DBNL: variants seen among roughly 807,000 people sequenced by gnomAD.
DBNL encodes the protein drebrin-like protein.
A neutral mutation model predicts 62.2 loss-of-function variants in DBNL; 35 were observed. The ratio of observed to expected loss-of-function variants is 0.56; its 90% CI spans 0.43 to 0.75. The LOEUF is 0.75. DBNL is among the 30% of genes least tolerant of loss of function. The pLI is 0.00. For synonymous variants in DBNL, 197 were observed against 218.0 expected (o/e 0.90, Z 0.85); for missense variants, 495 against 578.4 (o/e 0.86, Z 1.48).
intron 4 of DBNL, among the ~76,000 whole-genome samples, chr7:44,056,505 C>G (rs2096136603): frequency 6.6e-6 from 1 of 152,222 alleles, no homozygotes; most frequent in Non-Finnish European, 1.5e-5. Context: ...GAAGGAACCA[C>G]TGGATAGCAC....
Position 44,050,349 on chromosome 7 carries a change from C to G in DBNL, c.139+69C>G, listed in dbSNP as rs567088465. ...AGGGTGACGACGAGGGGTCAGCGCACTCAGCTGTCTTGGTCCACTGAGCCA... is the reference window on the plus strand; with the variant it reads ...AGGGTGACGACGAGGGGTCAGCGCAGTCAGCTGTCTTGGTCCACTGAGCCA... On this transcript the variant is annotated intron_variant, in intron 2 of 12. Coordinates refer to ENST00000448521, the MANE Select transcript of DBNL (RefSeq NM_001014436.3). The G allele has an allele frequency of 3.2e-6, 5 of 1,560,446 alleles. No individual in the cohort carries two copies. The African/African-American group carries it at 4.1e-5, about 13-fold the overall frequency.
chr7:44,052,016 C>T, intron 3 of DBNL, 74 bp downstream of exon 3: 1 of 1,385,570 alleles, frequency 7.2e-7, no homozygotes, highest in Non-Finnish European at 1.0e-6. Context: ...GACTTGACTT[C>T]AGGAACAAAG....
Position 44,060,843 on chromosome 7 carries a change from G to C in DBNL, c.1220G>C (p.Gly407Ala). The C allele has an allele frequency of 1.9e-6, 3 of 1,614,122 alleles. No individual in the cohort carries two copies. The highest frequency in any genetic ancestry group is 2.5e-6 in the Non-Finnish European group (3 of 1,180,004). Residue 407 changes from glycine to alanine, a missense_variant, in exon 13 of 13, where the codon GGC becomes GCC. Coordinates refer to ENST00000448521, the MANE Select transcript of DBNL (RefSeq NM_001014436.3). This position sits in a 1 kb window ranked among gnomAD's most constrained non-coding sequence, Gnocchi z 6.3. ...LITGIEVIDE[G>A]WWRGYGPDGH... ...ACGGGCATCGAGGTGATCGACGAAG[G>C]CTGGTGGCGTGGCTATGGGCCGGAT...
chr7:44,062,079 C>T lies in DBNL; in HGVS notation c.*1163C>T, dbSNP rs2096150344. On this transcript the variant is annotated 3_prime_UTR_variant, in exon 13 of 13. Transcript: ENST00000448521. The stretch of plus-strand genomic sequence containing the variant: ...AGGTCCCTCCTGTGCCCCAGAGCTG[C>T]TAGGCAGACTGCTAGGCGGTTGACT... The T allele has an allele frequency of 6.4e-6, 1 of 156,034 alleles. No homozygotes were observed. The highest frequency in any genetic ancestry group is 1.4e-5 in the Non-Finnish European group (1 of 70,254). 9.7% of individuals were successfully genotyped at this position (156,034 alleles called of 1,614,324 possible). A position where few individuals can be genotyped will look rare whatever the true frequency, so the allele number is the denominator to read the frequency against.
chr7:44,062,911 G>A lies in DBNL; in HGVS notation c.*1995G>A. 1 of 1,614,194 alleles carries A rather than the reference G, an allele frequency of 6.2e-7. No individual in the cohort carries two copies. The highest frequency in any genetic ancestry group is 1.3e-5 in the African/African-American group (1 of 75,050). On this transcript the variant is annotated 3_prime_UTR_variant, in exon 13 of 13. Coordinates refer to ENST00000448521, the MANE Select transcript of DBNL (RefSeq NM_001014436.3). ...TCCCCGTGGGCAGGTTCAGCTCCAT[G>A]ATCGCCTGGTCTGACATCCCTATGC...
rs2096145809 is a variant in DBNL, at chr7:44,060,135, C to T, written c.1135C>T (p.Leu379=). The change falls in exon 12 of 13, where the codon CTG becomes TTG. Residue 379 remains leucine (L), a synonymous_variant. Coordinates refer to ENST00000448521, the MANE Select transcript of DBNL (RefSeq NM_001014436.3). This position sits in a 1 kb window ranked among gnomAD's most constrained non-coding sequence, Gnocchi z 6.3. The part of the protein sequence containing the change: ...LSGQGLCARA[L]YDYQAADDTE... Reference sequence around the variant, plus strand: ...TGGGCAAGGGCTCTGTGCCCGTGCCCTGTACGACTACCAGGCAGGTAAGGT... The same window carrying T: ...TGGGCAAGGGCTCTGTGCCCGTGCCTTGTACGACTACCAGGCAGGTAAGGT... The T allele has an allele frequency of 6.2e-7, 1 of 1,612,026 alleles. No homozygotes were observed. The highest frequency in any genetic ancestry group is 8.5e-7 in the Non-Finnish European group (1 of 1,178,678).
Position 44,064,842 on chromosome 7 carries a change from C to G in DBNL, c.*3926C>G. 1.5e-6 allele frequency: 2 copies of G among 1,298,580 alleles called. No individual in the cohort carries two copies. The highest frequency in any genetic ancestry group is 2.1e-6 in the Non-Finnish European group (2 of 967,220). The allele number at this position is 1,298,580 out of a possible 1,614,324, so 80.4% of individuals were successfully genotyped here. On this transcript the variant is annotated 3_prime_UTR_variant, in exon 13 of 13. Transcript: ENST00000448521. ...TGAAGGTGGCCTCACCTTCCAGGTG[C>G]TTGACAATGCCCCGCAGGCTGTTCC... is the stretch of plus-strand genomic sequence containing the variant.
chr7:44,053,603 A>G (rs2096130317), intron 4 of DBNL, among the ~76,000 whole-genome samples: 1 of 152,018 alleles, frequency 6.6e-6, no homozygotes, highest in Admixed American at 6.6e-5. Context: ...AGGACCAGAA[A>G]TGTTTTGGAT....
chr7:44,060,632 T>C lies in DBNL; in HGVS notation c.1154-145T>C. 8.1e-7 allele frequency: 1 copy of C among 1,241,304 alleles called. No individual in the cohort carries two copies. Among genetic ancestry groups the C allele is most frequent in the Non-Finnish European group, 1.1e-6 (1 of 905,254 alleles). 76.9% of individuals were successfully genotyped at this position (1,241,304 alleles called of 1,614,324 possible). A position where few individuals can be genotyped will look rare whatever the true frequency, so the allele number is the denominator to read the frequency against. ...ACAGGGTGCAGTGTTGGCCAAGGCT[T>C]AGCAGGGTGGCAGGGATATTTCTGA... On this transcript the variant is annotated intron_variant, in intron 12 of 12. Transcript: ENST00000448521. This position sits in a 1 kb window ranked among gnomAD's most constrained non-coding sequence, Gnocchi z 6.3.
rs1016694045 is a variant in DBNL, at chr7:44,061,198, T to C, written c.*282T>C. 1.4e-5 allele frequency: 6 copies of C among 438,036 alleles called. No individual in the cohort carries two copies. The highest frequency in any genetic ancestry group is 2.5e-5 in the Non-Finnish European group (6 of 242,796). The allele number at this position is 438,036 out of a possible 1,614,324, so 27.1% of individuals were successfully genotyped here. A position where few individuals can be genotyped will look rare whatever the true frequency, so the allele number is the denominator to read the frequency against. On this transcript the variant is annotated 3_prime_UTR_variant, in exon 13 of 13. Transcript: ENST00000448521. ...CCAAGCCCTGCCTGTGGCCAAGCCC[T>C]GAGTGGCCACTGCCAAGCTGCGGGG...
At chr7:44,047,351 G>A (rs1279904488) in intron 1 of DBNL, among the ~76,000 whole-genome samples, 1 of 152,150 alleles carries the variant, frequency 6.6e-6, no homozygotes, top group African/African-American at 2.4e-5. Context: ...TCTCTAGTTT[G>A]GTGGGTCATA....
At position 44,057,869 on chromosome 7, in the gene DBNL, GC is replaced by G. The variant is rs2096139341; in HGVS notation, c.552+14del. The stretch of plus-strand genomic sequence containing the variant: ...CTGGGCCAAAGCAGAGGTGAGTGCT[GC>G]CCCGGGGCATGCTGGGCACGTGGGA... On this transcript the variant is annotated intron_variant, in intron 6 of 12. Transcript: ENST00000448521. The G allele has an allele frequency of 1.2e-6, 2 of 1,614,150 alleles. No homozygotes were observed. Among genetic ancestry groups the G allele is most frequent in the African/African-American group, 1.3e-5 (1 of 75,066 alleles).
At chr7:44,050,062 C>A in intron 1 of DBNL, 163 bp from the exon 2 acceptor site, 1 of 662,168 alleles carries the variant, frequency 1.5e-6, no homozygotes, top group Non-Finnish European at 2.7e-6. Flanking sequence ...CTACTGAGAA[C>A]CTGCCTAGTG....
In DBNL at chr7:44,060,473, C is replaced by T. The variant is rs540420673; in HGVS notation, c.1154-304C>T. Reference sequence around the variant, plus strand: ...CAGGCCTGGATGCTGGTTCACCAGGCGTCCCTGGGTGGAGGCCTTGGAGAA... The same window carrying T: ...CAGGCCTGGATGCTGGTTCACCAGGTGTCCCTGGGTGGAGGCCTTGGAGAA... On this transcript the variant is annotated intron_variant, in intron 12 of 12. Coordinates refer to ENST00000448521, the MANE Select transcript of DBNL (RefSeq NM_001014436.3). The surrounding 1 kb of genome is among the most constrained non-coding windows in gnomAD (Gnocchi z 6.3). 6.6e-5 allele frequency among the ~76,000 whole-genome samples: 10 copies of T among 152,234 alleles called. No individual in the cohort carries two copies. The highest frequency in any genetic ancestry group is 3.4e-3 in the Middle Eastern group (1 of 294).
At chr7:44,052,302 T>C (rs1323098583) in intron 3 of DBNL, among the ~76,000 whole-genome samples, 1 of 151,856 alleles carries the variant, frequency 6.6e-6, no homozygotes, top group East Asian at 1.9e-4. Context: ...CTTGATCCCT[T>C]GGTGGGGATC....
Position 44,059,345 on chromosome 7 carries a change from G to C in DBNL, c.836-9G>C. 5 of 1,613,820 alleles carry C rather than the reference G, an allele frequency of 3.1e-6. No homozygotes were observed. In the South Asian group the frequency reaches 3.3e-5, roughly 11 times the overall value. On this transcript the variant is annotated splice_polypyrimidine_tract_variant and intron_variant, in intron 9 of 12. Transcript: ENST00000448521. The surrounding 1 kb of genome is among the most constrained non-coding windows in gnomAD (Gnocchi z 4.1). ...CTGAAGTGATGTATATATTTACCCG[G>C]GTTTGCAGGCAAGCTGAGGAGCCCC...
Position 44,065,975 on chromosome 7 carries a change from T to C in DBNL, c.*5059T>C, listed in dbSNP as rs1416788736. ...AAATCCCAACCCCTTTCTCCTGTGA[T>C]TGGCAGCCAGGCTAGGAGGCGGCCC... On this transcript the variant is annotated 3_prime_UTR_variant, in exon 13 of 13. Coordinates refer to ENST00000448521, the MANE Select transcript of DBNL (RefSeq NM_001014436.3). 3.5e-6 allele frequency: 1 copy of C among 284,598 alleles called. No individual in the cohort carries two copies. The highest frequency in any genetic ancestry group is 8.5e-5 in the East Asian group (1 of 11,704). The allele number at this position is 284,598 out of a possible 1,614,324, so 17.6% of individuals were successfully genotyped here. A position where few individuals can be genotyped will look rare whatever the true frequency, so the allele number is the denominator to read the frequency against.
rs1425116727 is a variant in DBNL at position 44,066,077 on chromosome 7, G to C, written c.*5161G>C. The stretch of plus-strand genomic sequence containing the variant: ...TGGAGAGGAGTCTGGCCTTGTGGAA[G>C]GTACCAGGCAGCAGCAGCAGAATGG... On this transcript the variant is annotated 3_prime_UTR_variant, in exon 13 of 13. Transcript: ENST00000448521. The C allele has an allele frequency of 5.0e-6, 1 of 200,422 alleles. No individual in the cohort carries two copies. Among genetic ancestry groups the C allele is most frequent in the Non-Finnish European group, 1.0e-5 (1 of 95,820 alleles). The allele number at this position is 200,422 out of a possible 1,614,324, so 12.4% of individuals were successfully genotyped here. A position where few individuals can be genotyped will look rare whatever the true frequency, so the allele number is the denominator to read the frequency against.
intron 4 of DBNL, among the ~76,000 whole-genome samples, chr7:44,053,833 C>T (rs558363150): frequency 1.3e-4 from 20 of 152,182 alleles, no homozygotes; most frequent in Non-Finnish European, 2.5e-4. Flanking sequence ...CCCGCCACCA[C>T]GCCCAGCTAA....
Sources: allele counts gnomAD v4.1 joint callset (sites outside exome capture counted in the v4.1 genomes callset), GRCh38; gene constraint gnomAD v4.1.1; non-coding constraint Gnocchi (gnomAD v3.1); transcripts MANE v1.5; gene names NCBI Gene and HGNC (gene_info 2026-07-23, HGNC 2026-07-21).